Variants in ZSCAN5A observed in about 807,000 individuals in gnomAD.
ZSCAN5A encodes zinc finger and SCAN domain-containing protein 5A.
In ZSCAN5A, 12 loss-of-function variants were observed where a neutral mutation model predicts 23.7. The ratio of observed to expected loss-of-function variants is 0.51; its 90% CI spans 0.32 to 0.82. The LOEUF (loss-of-function observed/expected upper bound fraction) is 0.82. Among genes scored for constraint, ZSCAN5A ranks in the 40% least tolerant of loss-of-function variants. The pLI is 0.03. For missense variants in ZSCAN5A, 597 were observed against 617.9 expected (o/e 0.97, Z 0.36); for synonymous variants, 257 against 239.9 (o/e 1.07, Z -0.66).
chr19:56,321,303 C>T (rs2041373214), intron 2 of ZSCAN5A: 3 of 658,852 alleles, frequency 4.6e-6, no homozygotes, highest in Non-Finnish European at 8.5e-6. Flanking sequence ...AATAACTCGC[C>T]CATCACTGGT....
chr19:56,254,978 TTC>T lies in ZSCAN5A; in HGVS notation c.-127-29807_-127-29806del, dbSNP rs571913694. On this transcript the variant is annotated intron_variant, in intron 2 of 5. Coordinates refer to ENST00000683990, the MANE Select transcript of ZSCAN5A (RefSeq NM_001322064.3). Reference sequence around the variant, plus strand: ...AATGTGCGAATATGGTATCCCCCTATTCCATTGGTTGCTTTCACTCTGTTGAT... The same window carrying T: ...AATGTGCGAATATGGTATCCCCCTATCATTGGTTGCTTTCACTCTGTTGAT... Among the ~76,000 whole-genome samples, 53 of 152,262 alleles carry T rather than the reference TTC, an allele frequency of 3.5e-4. No individual in the cohort carries two copies. In the South Asian group the frequency reaches 0.011, roughly 31 times the overall value.
intron 2 of ZSCAN5A, among the ~76,000 whole-genome samples, chr19:56,247,982 A>AC (rs1568645046): frequency 6.6e-6 from 1 of 152,146 alleles, no homozygotes; most frequent in Non-Finnish European, 1.5e-5. Context: ...GAGCCACCGC[A>AC]CCTGGCCTGT....
chr19:56,295,150 A>G (rs2039780530), intron 2 of ZSCAN5A: 1 of 152,184 alleles, frequency 6.6e-6, no homozygotes, highest in East Asian at 1.9e-4. Context: ...TGTACACTTG[A>G]TGGGTGAGTC....
Position 56,225,007 on chromosome 19 carries a change from A to C in ZSCAN5A, c.40T>G (p.Ser14Ala). The change falls in exon 3 of 6, where the codon TCC becomes GCC. Residue 14 changes from serine to alanine, a missense_variant. Coordinates refer to ENST00000683990, the MANE Select transcript of ZSCAN5A (RefSeq NM_001322064.3). ...AGCTCCAACCCAGGTCTGTTGCAGGATTCTCCTAGACTCCATGAGGATGTG... is the reference window on the plus strand; with the variant it reads ...AGCTCCAACCCAGGTCTGTTGCAGGCTTCTCCTAGACTCCATGAGGATGTG... ...NCTSSWSLGE[S>A]CNRPGLELPR... 1 of 1,613,330 alleles carries C rather than the reference A, an allele frequency of 6.2e-7. No individual in the cohort carries two copies. Among genetic ancestry groups the C allele is most frequent in the Non-Finnish European group, 8.5e-7 (1 of 1,179,574 alleles).
intron 2 of ZSCAN5A, among the ~76,000 whole-genome samples, chr19:56,248,926 G>A (rs1371716343): frequency 6.6e-6 from 1 of 152,050 alleles, no homozygotes; most frequent in African/African-American, 2.4e-5. Flanking sequence ...ATTAGGGCTC[G>A]CTCTGGGTGT....
At chr19:56,271,161 G>T (rs114145149) in intron 2 of ZSCAN5A, among the ~76,000 whole-genome samples, 90 of 152,324 alleles carry the variant, frequency 5.9e-4, no homozygotes, top group African/African-American at 2.0e-3. Flanking sequence ...ACTAATCAGA[G>T]AAATCCAAAT....
intron 2 of ZSCAN5A, among the ~76,000 whole-genome samples, chr19:56,354,854 G>A (rs550934312): frequency 1.3e-5 from 2 of 152,272 alleles, no homozygotes; most frequent in East Asian, 1.9e-4. Context: ...GTTAAAATGC[G>A]ATTCCCTAAA....
intron 2 of ZSCAN5A, chr19:56,321,560 C>T: frequency 5.3e-6 from 4 of 759,932 alleles, no homozygotes; most frequent in Non-Finnish European, 9.8e-6. Context: ...CTTAAGCAAG[C>T]TCACTACCTC....
At chr19:56,314,611 C>T (rs1275816462) in intron 1 of ZSCAN5A, 70 bp downstream of exon 1, 3 of 152,282 alleles carry the variant, frequency 2.0e-5, no homozygotes, top group Non-Finnish European at 4.4e-5. Flanking sequence ...CTCCCTCTCC[C>T]CAACCCACCC....
intron 2 of ZSCAN5A, among the ~76,000 whole-genome samples, chr19:56,239,120 G>A (rs903104881): frequency 2.0e-5 from 3 of 152,214 alleles, no homozygotes; most frequent in Non-Finnish European, 2.9e-5. Context: ...TATCAGGAAG[G>A]TAATAATTCC....
At chr19:56,276,171 G>C (rs140000620) in intron 2 of ZSCAN5A, among the ~76,000 whole-genome samples, 1 of 152,212 alleles carries the variant, frequency 6.6e-6, no homozygotes, top group Middle Eastern at 3.4e-3. Flanking sequence ...AATTCTTTTC[G>C]ATCTTGCAAC....
chr19:56,238,661 T>C (rs1349224256), intron 2 of ZSCAN5A, among the ~76,000 whole-genome samples: 3 of 151,848 alleles, frequency 2.0e-5, no homozygotes, highest in Non-Finnish European at 2.9e-5. Flanking sequence ...AACAAATTTA[T>C]CCACACAGGT....
chr19:56,337,973 A>G (rs1568758502), intron 2 of ZSCAN5A, among the ~76,000 whole-genome samples: 1 of 152,124 alleles, frequency 6.6e-6, no homozygotes, highest in African/African-American at 2.4e-5. Context: ...TAGGCTTAGC[A>G]TCTTCTTTTT....
chr19:56,276,302 A>G (rs2038247258), intron 2 of ZSCAN5A, among the ~76,000 whole-genome samples: 1 of 152,162 alleles, frequency 6.6e-6, no homozygotes, highest in African/African-American at 2.4e-5. Flanking sequence ...CACAACTAAA[A>G]GAGCAGCCCT....
At chr19:56,332,168 G>A (rs2041495639) in intron 2 of ZSCAN5A, among the ~76,000 whole-genome samples, 1 of 152,126 alleles carries the variant, frequency 6.6e-6, no homozygotes, top group Admixed American at 6.6e-5. Context: ...TTCTGTAAAT[G>A]TCTATTAGGG....
intron 2 of ZSCAN5A, among the ~76,000 whole-genome samples, chr19:56,360,446 A>C (rs975710270): frequency 6.6e-6 from 1 of 152,218 alleles, no homozygotes; most frequent in Non-Finnish European, 1.5e-5. Context: ...AAATGGAAAA[A>C]CATTCCATGC....
intron 2 of ZSCAN5A, chr19:56,342,373 A>G: frequency 5.7e-6 from 1 of 174,498 alleles, no homozygotes; most frequent in Non-Finnish European, 1.3e-5. Flanking sequence ...TTTTGTTTAT[A>G]TCATTGTAGA....
chr19:56,246,342 T>C (rs1446034617), intron 2 of ZSCAN5A: 2 of 460,708 alleles, frequency 4.3e-6, no homozygotes, highest in Non-Finnish European at 3.9e-6. Flanking sequence ...TGCCAGAGAC[T>C]ACTGTCATGA....
intron 2 of ZSCAN5A, among the ~76,000 whole-genome samples, chr19:56,348,801 C>A (rs1054468826): frequency 7.2e-5 from 11 of 152,104 alleles, no homozygotes; most frequent in Admixed American, 3.3e-4. Flanking sequence ...TAAAAGGAAA[C>A]AAGGTAGCCG....
Sources: gnomAD v4.1 joint callset for allele counts (sites outside exome capture counted in the v4.1 genomes callset) on GRCh38, gnomAD v4.1.1 for gene constraint, MANE v1.5 for transcripts, NCBI Gene and HGNC (gene_info 2026-07-23, HGNC 2026-07-21) for gene names.